FOXK1: variants seen among roughly 807,000 people sequenced by gnomAD.
FOXK1 encodes the protein forkhead box protein K1.
A neutral mutation model predicts 51.9 loss-of-function variants in FOXK1; 19 were observed. The observed-to-expected ratio is 0.37, with a 90% CI of 0.26 to 0.54. FOXK1 has a LOEUF of 0.54. Ranked by LOEUF, FOXK1 falls within the 20% of genes least tolerant of loss-of-function variation. The pLI, the probability that FOXK1 is intolerant of heterozygous loss-of-function variation, is 0.87. For synonymous variants in FOXK1, 537 were observed against 482.6 expected (o/e 1.11, Z -1.48); for missense variants, 870 against 1,032.7 (o/e 0.84, Z 2.16).
At chr7:4,717,526 G>A (rs1349772499) in intron 1 of FOXK1, among the ~76,000 whole-genome samples, 21 of 151,724 alleles carry the variant, frequency 1.4e-4, no homozygotes, top group Admixed American at 1.4e-3. Flanking sequence ...TGGCTGGGAG[G>A]CACGTGGCTG....
At chr7:4,726,174 A>G (rs1780378990) in intron 1 of FOXK1, among the ~76,000 whole-genome samples, 1 of 152,186 alleles carries the variant, frequency 6.6e-6, no homozygotes, top group Non-Finnish European at 1.5e-5. Context: ...AGGAATGTCT[A>G]TGCAGTGAGG....
intron 1 of FOXK1, among the ~76,000 whole-genome samples, chr7:4,684,829 G>A (rs1358118758): frequency 6.6e-6 from 1 of 152,120 alleles, no homozygotes; most frequent in Admixed American, 6.5e-5. Flanking sequence ...GGCTTTCACG[G>A]TATTTTTTTT....
intron 1 of FOXK1, among the ~76,000 whole-genome samples, chr7:4,736,173 A>T (rs1351481934): frequency 1.3e-5 from 2 of 152,180 alleles, no homozygotes; most frequent in African/African-American, 4.8e-5. Context: ...ATCAAGTAGC[A>T]TGCTTCATAG....
In FOXK1 at chr7:4,747,938, G is replaced by T. The variant is rs111592085; in HGVS notation, c.747-6521G>T. On this transcript the variant is annotated intron_variant, in intron 2 of 8. Coordinates refer to ENST00000328914, the MANE Select transcript of FOXK1 (RefSeq NM_001037165.2). The surrounding 1 kb of genome is among the most constrained non-coding windows in gnomAD (Gnocchi z 9.2). The stretch of plus-strand genomic sequence containing the variant: ...ACGGCTCGCTGCAGCCTCGACCTCC[G>T]GGACTCAAGCGATCCTCCCACCTCA... Among the ~76,000 whole-genome samples, 1 of 151,734 alleles carries T rather than the reference G, an allele frequency of 6.6e-6. No individual in the cohort carries two copies. The highest frequency in any genetic ancestry group is 6.6e-5 in the Admixed American group (1 of 15,246).
At chr7:4,736,418 T>TG (rs568373794) in intron 1 of FOXK1, among the ~76,000 whole-genome samples, 17 of 151,910 alleles carry the variant, frequency 1.1e-4, no homozygotes, top group African/African-American at 4.1e-4. Context: ...AGTTTTGTTT[T>TG]TTTTTTTTTT....
At chr7:4,717,222 A>C (rs1583192948) in intron 1 of FOXK1, among the ~76,000 whole-genome samples, 1 of 119,766 alleles carries the variant, frequency 8.3e-6, no homozygotes, top group African/African-American at 3.3e-5. Context: ...TGTGGCTGGA[A>C]GGTGGTGGCG....
Position 4,761,380 on chromosome 7 carries a change from C to T in FOXK1, c.1921+92C>T, listed in dbSNP as rs932428230. 3.4e-5 allele frequency: 42 copies of T among 1,227,796 alleles called. No individual in the cohort carries two copies. Among genetic ancestry groups the T allele is most frequent in the East Asian group, 3.0e-4 (12 of 39,398 alleles). The allele number at this position is 1,227,796 out of a possible 1,614,324, so 76.1% of individuals were successfully genotyped here. A position where few individuals can be genotyped will look rare whatever the true frequency, so the allele number is the denominator to read the frequency against. On this transcript the variant is annotated intron_variant, in intron 8 of 8. Coordinates refer to ENST00000328914, the MANE Select transcript of FOXK1 (RefSeq NM_001037165.2). The surrounding 1 kb of genome is among the most constrained non-coding windows in gnomAD (Gnocchi z 6.2). ...ATGAGAATGTTCTCCCAGTATCTCCCGATCCTCCACTCAGTTCAATTTATT... is the reference window on the plus strand; with the variant it reads ...ATGAGAATGTTCTCCCAGTATCTCCTGATCCTCCACTCAGTTCAATTTATT...
At chr7:4,705,560 G>GCTCTCGCT (rs1562372718) in intron 1 of FOXK1, among the ~76,000 whole-genome samples, 7 of 90,302 alleles carry the variant, frequency 7.8e-5, no homozygotes, top group Non-Finnish European at 1.7e-4. Context: ...TCTCTCTCTC[G>GCTCTCGCT]CTCTCGCTCT....
rs115833546 is a variant in FOXK1 at position 4,722,914 on chromosome 7, G to C, written c.561-17924G>C. ...GTGCCTGTGGGCAGAGCTGTTGATGGAAGAGGGTGTGGTCAGAGGCAGGGC... is the reference window on the plus strand; with the variant it reads ...GTGCCTGTGGGCAGAGCTGTTGATGCAAGAGGGTGTGGTCAGAGGCAGGGC... On this transcript the variant is annotated intron_variant, in intron 1 of 8. Coordinates refer to ENST00000328914, the MANE Select transcript of FOXK1 (RefSeq NM_001037165.2). This position sits in a 1 kb window ranked among gnomAD's most constrained non-coding sequence, Gnocchi z 5.1. Among the ~76,000 whole-genome samples the C allele has an allele frequency of 2.2e-3, 338 of 152,238 alleles. 3 individuals carry two copies. The highest frequency in any genetic ancestry group is 5.7e-3 in the African/African-American group (237 of 41,554).
intron 1 of FOXK1, among the ~76,000 whole-genome samples, chr7:4,705,380 G>T (rs1195755210): frequency 6.6e-6 from 1 of 150,972 alleles, no homozygotes; most frequent in African/African-American, 2.4e-5. Context: ...CAGGGTCTTG[G>T]TATGTTGCCC....
At chr7:4,732,747 G>A (rs1004502211) in intron 1 of FOXK1, among the ~76,000 whole-genome samples, 3 of 152,162 alleles carry the variant, frequency 2.0e-5, no homozygotes. Flanking sequence ...CTGAGTTTTC[G>A]CCCTGTTGTA....
At chr7:4,702,354 T>G (rs1249718524) in intron 1 of FOXK1, among the ~76,000 whole-genome samples, 1 of 152,030 alleles carries the variant, frequency 6.6e-6, no homozygotes, top group African/African-American at 2.4e-5. Context: ...ATTTATTTAT[T>G]TTTTTTGAGA....
At chr7:4,720,250 C>T (rs950762511) in intron 1 of FOXK1, among the ~76,000 whole-genome samples, 9 of 152,162 alleles carry the variant, frequency 5.9e-5, no homozygotes, top group African/African-American at 1.9e-4. Context: ...CAAATCTGTA[C>T]ATTTTTCAGC....
rs1182812693 is a variant in FOXK1, at chr7:4,682,778, ACTT to A, written c.473_475del (p.Phe158del). The stretch of plus-strand genomic sequence containing the variant: ...CTGCAGCTCAGCTTCCAGGAGCCGC[ACTT>A]CTACCTGCGCTGCCTCGGCAAGAAC... On this transcript the variant is annotated inframe_deletion, in exon 1 of 9. Transcript: ENST00000328914. The surrounding 1 kb of genome is among the most constrained non-coding windows in gnomAD (Gnocchi z 7.6). The A allele has an allele frequency of 6.3e-7, 1 of 1,594,052 alleles. No individual in the cohort carries two copies. The highest frequency in any genetic ancestry group is 8.5e-7 in the Non-Finnish European group (1 of 1,176,106).
At chr7:4,705,550 T>TCTCTCTCTCG (rs764902142) in intron 1 of FOXK1, among the ~76,000 whole-genome samples, 1 of 149,262 alleles carries the variant, frequency 6.7e-6, no homozygotes, top group African/African-American at 2.5e-5. Flanking sequence ...TCTCTCTCTC[T>TCTCTCTCTCG]CTCTCTCTCG....
At position 4,749,668 on chromosome 7, in the gene FOXK1, C is replaced by T. The variant is rs1190321316; in HGVS notation, c.747-4791C>T. 6.6e-6 allele frequency among the ~76,000 whole-genome samples: 1 copy of T among 152,176 alleles called. No individual in the cohort carries two copies. The highest frequency in any genetic ancestry group is 1.9e-4 in the East Asian group (1 of 5,192). ...CTGTCCTCCCTGGGCCTGCCGGAAGCGATAACTGTCCCGACCCTAGGCCTC... is the reference window on the plus strand; with the variant it reads ...CTGTCCTCCCTGGGCCTGCCGGAAGTGATAACTGTCCCGACCCTAGGCCTC... On this transcript the variant is annotated intron_variant, in intron 2 of 8. Coordinates refer to ENST00000328914, the MANE Select transcript of FOXK1 (RefSeq NM_001037165.2). This position sits in a 1 kb window ranked among gnomAD's most constrained non-coding sequence, Gnocchi z 6.0.
intron 1 of FOXK1, among the ~76,000 whole-genome samples, chr7:4,694,548 C>T (rs1357494736): frequency 1.3e-5 from 2 of 152,222 alleles, no homozygotes; most frequent in Non-Finnish European, 2.9e-5. Flanking sequence ...GATAGAGGCT[C>T]CTCCCAGCCC....
chr7:4,682,973 C>A lies in FOXK1; in HGVS notation c.560+105C>A. On this transcript the variant is annotated intron_variant, in intron 1 of 8. Coordinates refer to ENST00000328914, the MANE Select transcript of FOXK1 (RefSeq NM_001037165.2). This position sits in a 1 kb window ranked among gnomAD's most constrained non-coding sequence, Gnocchi z 7.6. ...CCCCCTCCAGCTTCCTCGGCCTCGACCCCCACCCCCCGGCCCACCCCCGGT... is the reference window on the plus strand; with the variant it reads ...CCCCCTCCAGCTTCCTCGGCCTCGAACCCCACCCCCCGGCCCACCCCCGGT... 8.7e-7 allele frequency: 1 copy of A among 1,153,504 alleles called. No homozygotes were observed. The highest frequency in any genetic ancestry group is 1.1e-6 in the Non-Finnish European group (1 of 878,378). 71.5% of individuals were successfully genotyped at this position (1,153,504 alleles called of 1,614,324 possible).
At position 4,759,397 on chromosome 7, in the gene FOXK1, G is replaced by A. The variant is rs766885716; in HGVS notation, c.1498G>A (p.Ala500Thr). 6 of 1,601,306 alleles carry A rather than the reference G, an allele frequency of 3.7e-6. No individual in the cohort carries two copies. Among genetic ancestry groups the A allele is most frequent in the East Asian group, 2.2e-5 (1 of 44,744 alleles). ...LVAKPVAYMP[A>T]SIVTSQQPAG... ...GGCCAAGCCCGTGGCCTACATGCCC[G>A]CCTCCATCGTAACCTCACAGCAGCC... The change falls in exon 7 of 9, where the codon GCC becomes ACC. Residue 500 changes from alanine (A) to threonine (T), a missense_variant. Ala to Thr is a moderately conservative substitution (Grantham distance 58, BLOSUM62 0). This residue lies in a region of FOXK1 where 457 missense variants were observed against 510.8 expected (regional missense o/e 0.89). Transcript: ENST00000328914.
Sources: allele counts gnomAD v4.1 joint callset (sites outside exome capture counted in the v4.1 genomes callset), GRCh38; gene constraint gnomAD v4.1.1; regional missense constraint gnomAD v4.1.1; non-coding constraint Gnocchi (gnomAD v3.1); transcripts MANE v1.5; gene names NCBI Gene and HGNC (gene_info 2026-07-23, HGNC 2026-07-21).